The following GALNT8 variants were observed in gnomAD, a reference collection of about 807,000 sequenced individuals.
The protein encoded by GALNT8 is probable polypeptide N-acetylgalactosaminyltransferase 8.
GALNT8 carries 66 observed loss-of-function variants against 62.7 expected under a neutral mutation model. That is an observed-to-expected ratio of 1.05 (90% confidence interval 0.86 to 1.29). GALNT8 has a LOEUF of 1.29. Ranked by LOEUF, GALNT8 falls within the 50% of genes most tolerant of loss-of-function variation. The pLI is 0.00. For synonymous variants in GALNT8, 288 were observed against 294.3 expected, an observed-to-expected ratio of 0.98 and a Z score of 0.22; for missense variants, 771 against 791.8, an observed-to-expected ratio of 0.97 and a Z score of 0.32.
At chr12:4,734,500 A>G (rs1946235677) in intron 2 of GALNT8, among the ~76,000 whole-genome samples, 1 of 152,004 alleles carries the variant, frequency 6.6e-6, no homozygotes, top group African/African-American at 2.4e-5. Flanking sequence ...TGCCCACCAC[A>G]TTTGAATAAT....
At chr12:4,743,635 G>T (rs1038883833) in intron 3 of GALNT8, among the ~76,000 whole-genome samples, 6 of 152,136 alleles carry the variant, frequency 3.9e-5, no homozygotes, top group African/African-American at 1.2e-4. Context: ...ACACAGCATA[G>T]GTTCACATCC....
chr12:4,745,234 G>A (rs1946291770), intron 4 of GALNT8, among the ~76,000 whole-genome samples, 195 bp from the exon 5 acceptor site: 1 of 152,168 alleles, frequency 6.6e-6, no homozygotes. Context: ...ATGCGGGTTG[G>A]CTTCTAGCAG....
intron 6 of GALNT8, among the ~76,000 whole-genome samples, chr12:4,747,115 G>T (rs1946303356): frequency 6.6e-6 from 1 of 152,046 alleles, no homozygotes; most frequent in African/African-American, 2.4e-5. Flanking sequence ...TATATTTAGG[G>T]CGTGCATGTG....
At chr12:4,745,806 A>C (rs985761379) in intron 5 of GALNT8, among the ~76,000 whole-genome samples, 180 bp downstream of exon 5, 3 of 152,218 alleles carry the variant, frequency 2.0e-5, no homozygotes, top group African/African-American at 7.2e-5. Context: ...TTAAGAAATC[A>C]CAGACACTTT....
Position 4,765,301 on chromosome 12 carries a change from C to G in GALNT8, c.1594-78C>G, listed in dbSNP as rs1267946878. The G allele has an allele frequency of 3.0e-6, 4 of 1,339,786 alleles. No homozygotes were observed. In the Middle Eastern group the frequency reaches 8.1e-4, roughly 271 times the overall value. 83.0% of individuals were successfully genotyped at this position (1,339,786 alleles called of 1,614,324 possible). A position where few individuals can be genotyped will look rare whatever the true frequency, so the allele number is the denominator to read the frequency against. On this transcript the variant is annotated intron_variant, in intron 9 of 10. Transcript: ENST00000252318. ...CCCCAAGATCATTCTTCCTGCTGTCCCTCGGGCTAGGGTCTCCTGCTGGCT... is the reference window on the plus strand; with the variant it reads ...CCCCAAGATCATTCTTCCTGCTGTCGCTCGGGCTAGGGTCTCCTGCTGGCT...
chr12:4,753,198 G>T (rs1946329743), intron 6 of GALNT8, among the ~76,000 whole-genome samples: 1 of 152,114 alleles, frequency 6.6e-6, no homozygotes. Flanking sequence ...CTTGGACATT[G>T]ATATCTTTCT....
chr12:4,740,552 T>C (rs940292700), intron 3 of GALNT8, among the ~76,000 whole-genome samples: 5 of 152,018 alleles, frequency 3.3e-5, no homozygotes, highest in Admixed American at 3.3e-4. Flanking sequence ...GCCTCCTGAG[T>C]ACCTGGGATT....
chr12:4,752,315 G>T (rs549793447), intron 6 of GALNT8, among the ~76,000 whole-genome samples: 1 of 151,858 alleles, frequency 6.6e-6, no homozygotes, highest in Non-Finnish European at 1.5e-5. Flanking sequence ...ATTGTTTTGT[G>T]GTCTTTTCTT....
intron 6 of GALNT8, among the ~76,000 whole-genome samples, chr12:4,750,763 T>C (rs1318856436): frequency 2.6e-5 from 4 of 152,198 alleles, no homozygotes; most frequent in Non-Finnish European, 4.4e-5. Context: ...CCTTCTACAA[T>C]GGCTGAACTA....
chr12:4,750,749 A>C (rs1329078484), intron 6 of GALNT8, among the ~76,000 whole-genome samples: 1 of 152,190 alleles, frequency 6.6e-6, no homozygotes, highest in Non-Finnish European at 1.5e-5. Flanking sequence ...GAATCAACAC[A>C]CTGCCTTCTA....
At chr12:4,747,378 C>A (rs1946304738) in intron 6 of GALNT8, among the ~76,000 whole-genome samples, 1 of 152,140 alleles carries the variant, frequency 6.6e-6, no homozygotes, top group Admixed American at 6.5e-5. Flanking sequence ...CCCAACTACC[C>A]TTCCCGGCCT....
At chr12:4,729,542 T>A (rs1194793326) in intron 2 of GALNT8, among the ~76,000 whole-genome samples, 4 of 152,242 alleles carry the variant, frequency 2.6e-5, no homozygotes, top group Non-Finnish European at 5.9e-5. Context: ...TTTGTATTTC[T>A]GTTCCTTGCT....
chr12:4,768,078 A>G (rs972826715), intron 10 of GALNT8, among the ~76,000 whole-genome samples: 7 of 152,176 alleles, frequency 4.6e-5, no homozygotes, highest in African/African-American at 1.7e-4. Context: ...AAGAACTTCA[A>G]TTACCTGACT....
At chr12:4,767,744 C>A (rs1470503628) in intron 10 of GALNT8, among the ~76,000 whole-genome samples, 1 of 152,122 alleles carries the variant, frequency 6.6e-6, no homozygotes, top group Non-Finnish European at 1.5e-5. Context: ...TTAATCATAT[C>A]TTTTTTGTTC....
intron 6 of GALNT8, among the ~76,000 whole-genome samples, chr12:4,752,956 G>A (rs780578039): frequency 3.3e-5 from 5 of 152,018 alleles, no homozygotes; most frequent in Non-Finnish European, 5.9e-5. Flanking sequence ...TTGTTCTAGG[G>A]TAAAAGTTTT....
chr12:4,751,240 C>T (rs574517016), intron 6 of GALNT8, among the ~76,000 whole-genome samples: 1 of 152,214 alleles, frequency 6.6e-6, no homozygotes, highest in Admixed American at 6.5e-5. Flanking sequence ...GACAAAGATG[C>T]CAAAAGCAAT....
intron 1 of GALNT8, 79 bp downstream of exon 1, chr12:4,720,967 G>A: frequency 1.2e-6 from 1 of 828,508 alleles, no homozygotes; most frequent in Admixed American, 2.0e-5. Context: ...GGATATGGAA[G>A]GAAAAATGGG....
At chr12:4,742,237 A>G (rs1946275370) in intron 3 of GALNT8, among the ~76,000 whole-genome samples, 1 of 152,198 alleles carries the variant, frequency 6.6e-6, no homozygotes, top group African/African-American at 2.4e-5. Flanking sequence ...AAATGCCACA[A>G]CCTGGTGCCA....
intron 4 of GALNT8, among the ~76,000 whole-genome samples, chr12:4,745,223 G>T (rs1282000784): frequency 2.6e-5 from 4 of 152,144 alleles, no homozygotes; most frequent in Non-Finnish European, 5.9e-5. Context: ...ACCTGTTCTC[G>T]ATGCGGGTTG....
Sources: allele counts gnomAD v4.1 joint callset (sites outside exome capture counted in the v4.1 genomes callset), GRCh38; gene constraint gnomAD v4.1.1; transcripts MANE v1.5; gene names NCBI Gene and HGNC (gene_info 2026-07-23, HGNC 2026-07-21).